GPT2: variants seen among roughly 807,000 people sequenced by gnomAD.
The protein encoded by GPT2 is alanine aminotransferase 2.
Under a neutral mutation model 56.9 loss-of-function variants are expected in GPT2, and 30 were observed. The ratio of observed to expected loss-of-function variants is 0.53; its 90% CI spans 0.39 to 0.72. The LOEUF (loss-of-function observed/expected upper bound fraction) is 0.72, where lower values mean the gene tolerates loss of function less well. GPT2 is among the 30% of genes least tolerant of loss of function. The pLI is 0.00. For missense variants in GPT2, 542 were observed against 703.4 expected (o/e 0.77, Z 2.60); for synonymous variants, 271 against 283.1 (o/e 0.96, Z 0.43).
intron 2 of GPT2, 76 bp downstream of exon 2, chr16:46,885,034 CT>C (rs1217310713): frequency 7.2e-7 from 1 of 1,385,560 alleles, no homozygotes; most frequent in Non-Finnish European, 9.4e-7. Flanking sequence ...AGCTGGGGTC[CT>C]TCCCACGACG....
rs187475395 is a variant in GPT2 at position 46,895,538 on chromosome 16, C to A, written c.244-2110C>A. Among the ~76,000 whole-genome samples, 1,466 of 151,148 alleles carry A rather than the reference C, an allele frequency of 9.7e-3. 27 individuals are homozygous for A. Among genetic ancestry groups the A allele is most frequent in the African/African-American group, 0.035 (1,424 of 41,188 alleles). ...AAACCCTGTCTCAAAAAAAAAACAACAAAAAAAAGGGTCTCACTCTGATGC... is the reference window on the plus strand; with the variant it reads ...AAACCCTGTCTCAAAAAAAAAACAAAAAAAAAAAGGGTCTCACTCTGATGC... On this transcript the variant is annotated intron_variant, in intron 2 of 11. Transcript: ENST00000340124.
intron 9 of GPT2, among the ~76,000 whole-genome samples, chr16:46,923,604 G>A (rs368335608): frequency 2.6e-5 from 4 of 152,228 alleles, no homozygotes; most frequent in African/African-American, 7.2e-5. Context: ...AGGCCACATA[G>A]TGCTTATGCC....
intron 10 of GPT2, 133 bp downstream of exon 10, chr16:46,924,677 A>C (rs1359268921): frequency 4.4e-6 from 4 of 904,700 alleles, no homozygotes; most frequent in Non-Finnish European, 6.9e-6. Context: ...TCTCGGCCAG[A>C]GGGTGTTGAC....
At chr16:46,894,057 T>C (rs1596862051) in intron 2 of GPT2, among the ~76,000 whole-genome samples, 1 of 152,164 alleles carries the variant, frequency 6.6e-6, no homozygotes, top group African/African-American at 2.4e-5. Context: ...GGTGGGCTGG[T>C]TTCTTCACCC....
At chr16:46,924,892 A>C (rs1161927469) in intron 10 of GPT2, among the ~76,000 whole-genome samples, 1 of 151,648 alleles carries the variant, frequency 6.6e-6, no homozygotes, top group East Asian at 1.9e-4. Context: ...AGCGCTTCCC[A>C]AACTTCAGTG....
intron 2 of GPT2, among the ~76,000 whole-genome samples, chr16:46,890,867 TTTG>T (rs1960571907): frequency 6.6e-6 from 1 of 152,192 alleles, no homozygotes; most frequent in South Asian, 2.1e-4. Context: ...TTTGGCTTTT[TTTG>T]TTGTTGTTTG....
intron 8 of GPT2, among the ~76,000 whole-genome samples, chr16:46,920,930 G>A (rs888732056): frequency 1.3e-5 from 2 of 152,154 alleles, no homozygotes; most frequent in African/African-American, 4.8e-5. Flanking sequence ...GGGATCCTGA[G>A]TCGTGCCCGG....
At chr16:46,925,465 C>T (rs1049724117) in intron 10 of GPT2, among the ~76,000 whole-genome samples, 1 of 151,970 alleles carries the variant, frequency 6.6e-6, no homozygotes, top group African/African-American at 2.4e-5. Flanking sequence ...TTGTGATCTG[C>T]CCACCTCGGC....
intron 5 of GPT2, 90 bp from the exon 6 acceptor site, chr16:46,909,594 A>T: frequency 6.9e-7 from 1 of 1,451,680 alleles, no homozygotes. Flanking sequence ...ACAGAGTTGG[A>T]CTGGAGGCAT....
In GPT2 at chr16:46,897,650, T is replaced by C. The variant is rs754050984; in HGVS notation, c.246T>C (p.Gly82=). The stretch of plus-strand genomic sequence containing the variant: ...CCTGTTGCTTTCTCTCTGCCCAGGG[T>C]ATCAAAAAGCCATTCACAGAGGTCA... ...AGEIELELQR[G]IKKPFTEVIR... The change falls in exon 3 of 12, where the codon GGT becomes GGC. Residue 82 remains glycine, a splice_region_variant and synonymous_variant. Transcript: ENST00000340124. 3.7e-6 allele frequency: 6 copies of C among 1,613,644 alleles called. No homozygotes were observed. In the African/African-American group the frequency reaches 6.7e-5, roughly 18 times the overall value.
chr16:46,894,985 A>G (rs575343440), intron 2 of GPT2, among the ~76,000 whole-genome samples: 6 of 152,138 alleles, frequency 3.9e-5, no homozygotes, highest in South Asian at 2.1e-4. Context: ...ATCCTTATCC[A>G]TGTTGGCCAG....
chr16:46,929,739 GA>G lies in GPT2; in HGVS notation c.*744del, dbSNP rs1961497803. ...GGTTCCCTTGAACATGCGTAGGCTG[GA>G]ACCCCGTCTGAGAGGTCTCCCTGAA... On this transcript the variant is annotated 3_prime_UTR_variant, in exon 12 of 12. Coordinates refer to ENST00000340124, the MANE Select transcript of GPT2 (RefSeq NM_133443.4). 6.6e-6 allele frequency: 1 copy of G among 152,448 alleles called. No individual in the cohort carries two copies. Among genetic ancestry groups the G allele is most frequent in the Non-Finnish European group, 1.5e-5 (1 of 68,214 alleles). 9.4% of individuals were successfully genotyped at this position (152,448 alleles called of 1,614,324 possible). A position where few individuals can be genotyped will look rare whatever the true frequency, so the allele number is the denominator to read the frequency against.
chr16:46,888,864 G>C (rs935896598), intron 2 of GPT2, among the ~76,000 whole-genome samples: 1 of 151,332 alleles, frequency 6.6e-6, no homozygotes, highest in African/African-American at 2.4e-5. Context: ...TGCCCAGGGT[G>C]GTCTCAAACT....
At chr16:46,927,953 T>TA (rs960186476) in intron 11 of GPT2, among the ~76,000 whole-genome samples, 15 of 151,802 alleles carry the variant, frequency 9.9e-5, no homozygotes, top group Non-Finnish European at 1.6e-4. Context: ...TGACTAGAGA[T>TA]AAAAAAGGCC....
intron 6 of GPT2, 107 bp from the exon 7 acceptor site, chr16:46,916,521 G>A: frequency 1.2e-6 from 1 of 837,140 alleles, no homozygotes; most frequent in Admixed American, 1.7e-5. Flanking sequence ...TGTTCTATGG[G>A]TCTCAAGGGA....
intron 5 of GPT2, 67 bp from the exon 6 acceptor site, chr16:46,909,617 C>G: frequency 6.4e-7 from 1 of 1,565,168 alleles, no homozygotes; most frequent in Non-Finnish European, 8.7e-7. Context: ...AGTGGGGCCA[C>G]GGGTGAAAGG....
intron 4 of GPT2, 123 bp downstream of exon 4, chr16:46,900,913 C>A: frequency 2.8e-6 from 2 of 703,240 alleles, no homozygotes; most frequent in Middle Eastern, 3.5e-4. Flanking sequence ...TGGCTGACAG[C>A]ACACAGAGTA....
chr16:46,884,701 C>T lies in GPT2; in HGVS notation c.-15C>T, dbSNP rs375068227. On this transcript the variant is annotated 5_prime_UTR_variant, in exon 2 of 12. Coordinates refer to ENST00000340124, the MANE Select transcript of GPT2 (RefSeq NM_133443.4). ...TTTCTCTTTTTGTGCCAGGGTTTCTCTCCGCAAGCGCGCGATGCAGCGGGC... is the reference window on the plus strand; with the variant it reads ...TTTCTCTTTTTGTGCCAGGGTTTCTTTCCGCAAGCGCGCGATGCAGCGGGC... 2.9e-6 allele frequency: 4 copies of T among 1,374,408 alleles called. No homozygotes were observed. The African/African-American group carries it at 6.0e-5, about 21-fold the overall frequency. 85.1% of individuals were successfully genotyped at this position (1,374,408 alleles called of 1,614,324 possible).
chr16:46,886,225 C>T (rs958840758), intron 2 of GPT2, among the ~76,000 whole-genome samples: 1 of 152,208 alleles, frequency 6.6e-6, no homozygotes, highest in Non-Finnish European at 1.5e-5. Flanking sequence ...GCAGAGAACA[C>T]AGGCTGTTGA....
Sources: allele counts gnomAD v4.1 joint callset (sites outside exome capture counted in the v4.1 genomes callset), GRCh38; gene constraint gnomAD v4.1.1; transcripts MANE v1.5; gene names NCBI Gene and HGNC (gene_info 2026-07-23, HGNC 2026-07-21).